TOPBP1: variants seen among roughly 807,000 people sequenced by gnomAD.
TOPBP1 encodes DNA topoisomerase 2-binding protein 1.
Under a neutral mutation model 167.7 loss-of-function variants are expected in TOPBP1, and 28 were observed. The ratio of observed to expected loss-of-function variants is 0.17; its 90% CI spans 0.12 to 0.23. The LOEUF is 0.23. Ranked by LOEUF, TOPBP1 falls within the 10% of genes least tolerant of loss-of-function variation. The pLI, the probability that TOPBP1 is intolerant of heterozygous loss-of-function variation, is 1.00. For synonymous variants in TOPBP1, 598 were observed against 611.4 expected, an observed-to-expected ratio of 0.98 and a Z score of 0.32; for missense variants, 1,554 against 1,809.6, an observed-to-expected ratio of 0.86 and a Z score of 2.56.
intron 13 of TOPBP1, 149 bp downstream of exon 13, chr3:133,639,810 C>G (rs774475333): frequency 9.1e-5 from 63 of 692,454 alleles, no homozygotes; most frequent in Non-Finnish European, 1.4e-4. Flanking sequence ...AAGCTTACAT[C>G]TGTAGACTTC....
chr3:133,603,783 CA>C (rs995452353), intron 27 of TOPBP1, among the ~76,000 whole-genome samples: 7 of 151,656 alleles, frequency 4.6e-5, no homozygotes, highest in South Asian at 4.2e-4. Flanking sequence ...ACTAAACAAA[CA>C]AAAAAACCCA....
chr3:133,638,175 A>G lies in TOPBP1; in HGVS notation c.2234-13T>C. ...TCCAAACTTCGTTCTAGAGATTTAA[A>G]ATGAAAAGAAACAAATATGAGCCAC... On this transcript the variant is annotated splice_polypyrimidine_tract_variant and intron_variant, in intron 13 of 27. Coordinates refer to ENST00000260810, the MANE Select transcript of TOPBP1 (RefSeq NM_007027.4). The G allele has an allele frequency of 2.5e-6, 4 of 1,609,414 alleles. No individual in the cohort carries two copies. The highest frequency in any genetic ancestry group is 3.4e-6 in the Non-Finnish European group (4 of 1,176,644).
At chr3:133,640,571 T>C (rs544709472) in intron 12 of TOPBP1, among the ~76,000 whole-genome samples, 1 of 152,164 alleles carries the variant, frequency 6.6e-6, no homozygotes, top group South Asian at 2.1e-4. Context: ...CCACCACACC[T>C]GGCTAATTTT....
intron 23 of TOPBP1, among the ~76,000 whole-genome samples, chr3:133,615,120 AAGAC>A (rs1197911723): frequency 6.6e-6 from 1 of 152,024 alleles, no homozygotes; most frequent in East Asian, 1.9e-4. Context: ...CATTCTTAAA[AAGAC>A]AGCATTAAAT....
intron 10 of TOPBP1, among the ~76,000 whole-genome samples, chr3:133,647,793 A>C (rs1022467014): frequency 1.3e-5 from 2 of 152,238 alleles, no homozygotes; most frequent in Admixed American, 1.3e-4. Context: ...CAATAGCGGA[A>C]GAGATGATTC....
intron 10 of TOPBP1, among the ~76,000 whole-genome samples, chr3:133,647,696 C>T (rs1049974107): frequency 1.3e-5 from 2 of 151,886 alleles, no homozygotes; most frequent in African/African-American, 4.8e-5. Flanking sequence ...AAATAAATGA[C>T]AGACTATTTA....
chr3:133,616,681 T>C (rs778629451), intron 23 of TOPBP1, 133 bp downstream of exon 23: 2 of 485,112 alleles, frequency 4.1e-6, no homozygotes, highest in Non-Finnish European at 7.1e-6. Flanking sequence ...ACTCAATGTA[T>C]AGCCTTAGAC....
chr3:133,649,073 G>T (rs1936188455), intron 10 of TOPBP1, among the ~76,000 whole-genome samples: 1 of 152,142 alleles, frequency 6.6e-6, no homozygotes, highest in African/African-American at 2.4e-5. Flanking sequence ...CAATAATCCA[G>T]TAAGAGGTAT....
chr3:133,644,816 A>C (rs1465938475), intron 10 of TOPBP1, among the ~76,000 whole-genome samples: 2 of 152,174 alleles, frequency 1.3e-5, no homozygotes, highest in Non-Finnish European at 1.5e-5. Flanking sequence ...TAAAATATTT[A>C]TTGTCTACTC....
chr3:133,651,951 T>C (rs1338111875), intron 8 of TOPBP1, among the ~76,000 whole-genome samples: 4 of 152,164 alleles, frequency 2.6e-5, no homozygotes, highest in South Asian at 2.1e-4. Flanking sequence ...CTGGGCAACA[T>C]AGTGAGACCT....
At chr3:133,640,910 G>A (rs954789731) in intron 12 of TOPBP1, among the ~76,000 whole-genome samples, 1 of 152,104 alleles carries the variant, frequency 6.6e-6, no homozygotes, top group African/African-American at 2.4e-5. Context: ...AAAATACAGA[G>A]AAATTAAGTG....
chr3:133,653,317 T>A (rs1006683304), intron 7 of TOPBP1, 28 bp downstream of exon 7: 3 of 1,532,542 alleles, frequency 2.0e-6, no homozygotes, highest in Non-Finnish European at 1.7e-6. Context: ...GTCTTCAGAA[T>A]AATTATTTTA....
chr3:133,643,782 C>A (rs1935978956), intron 11 of TOPBP1, among the ~76,000 whole-genome samples: 1 of 151,988 alleles, frequency 6.6e-6, no homozygotes, highest in African/African-American at 2.4e-5. Context: ...CCTAGAGTGA[C>A]CTCCTAAGAA....
In TOPBP1 at chr3:133,661,097, C is replaced by CA. The variant is rs775860400; in HGVS notation, c.30dup (p.Val11CysfsTer15). Reference sequence around the variant, plus strand: ...TTGTCTGAAGACTTTAAAAACTTCACAAAAAACGGTTCTTTGTCATTTCTG... The same window carrying CA: ...TTGTCTGAAGACTTTAAAAACTTCACAAAAAAACGGTTCTTTGTCATTTCTG... On this transcript the variant is annotated frameshift_variant, in exon 2 of 28. Coordinates refer to ENST00000260810, the MANE Select transcript of TOPBP1 (RefSeq NM_007027.4). LOFTEE classifies it high-confidence loss of function. 5 of 1,599,360 alleles carry CA rather than the reference C, an allele frequency of 3.1e-6. No homozygotes were observed. The highest frequency in any genetic ancestry group is 2.2e-5 in the East Asian group (1 of 44,656).
chr3:133,619,850 A>C (rs1208566554), intron 20 of TOPBP1, among the ~76,000 whole-genome samples: 1 of 152,188 alleles, frequency 6.6e-6, no homozygotes, highest in Non-Finnish European at 1.5e-5. Flanking sequence ...CCTCCGAGTA[A>C]GAAATCTAGA....
chr3:133,647,821 C>A (rs13315841), intron 10 of TOPBP1, among the ~76,000 whole-genome samples: 2,870 of 151,974 alleles, frequency 0.019, 50 homozygotes, highest in East Asian at 0.037. Flanking sequence ...GGAAAAAAAT[C>A]TGAAGGAATT....
chr3:133,617,088 C>T, intron 22 of TOPBP1, 72 bp downstream of exon 22: 3 of 1,500,892 alleles, frequency 2.0e-6, no homozygotes, highest in Non-Finnish European at 2.7e-6. Context: ...TTGATATTGA[C>T]ATCAACAAAT....
chr3:133,618,419 G>A lies in TOPBP1; in HGVS notation c.3386C>T (p.Thr1129Ile), dbSNP rs1301113924. The change falls in exon 21 of 28, where the codon ACA (threonine) becomes ATA (isoleucine). Residue 1129 changes from threonine (T) to isoleucine (I), a missense_variant. Thr to Ile is a moderately conservative substitution (Grantham distance 89). This residue lies in a region of TOPBP1 where 1,197 missense variants were observed against 1,351.5 expected (regional missense o/e 0.89). Transcript: ENST00000260810. ...VLEALRQSRQ[T>I]VPDVNTEPSQ... The stretch of plus-strand genomic sequence containing the variant: ...AGGCTCTGTGTTGACATCAGGTACT[G>A]TCTGACGAGACTGCCTAAGGAATAG... The A allele has an allele frequency of 2.5e-6, 4 of 1,613,648 alleles. No individual in the cohort carries two copies. The South Asian group carries it at 3.3e-5, about 13-fold the overall frequency.
intron 14 of TOPBP1, 124 bp from the exon 15 acceptor site, chr3:133,628,857 T>G: frequency 5.9e-5 from 52 of 879,290 alleles, no homozygotes; most frequent in South Asian, 9.6e-5. Flanking sequence ...AGGGGGAGAA[T>G]CCTCAAAATT....
Sources: allele counts gnomAD v4.1 joint callset (sites outside exome capture counted in the v4.1 genomes callset), GRCh38; gene constraint gnomAD v4.1.1; regional missense constraint gnomAD v4.1.1; transcripts MANE v1.5; gene names NCBI Gene and HGNC (gene_info 2026-07-23, HGNC 2026-07-21).